The following KIAA1217 variants were observed in gnomAD, a reference collection of about 807,000 sequenced individuals.
KIAA1217 encodes sickle tail protein homolog.
KIAA1217 carries 88 observed loss-of-function variants against 163.9 expected under a neutral mutation model. The ratio of observed to expected loss-of-function variants is 0.54; its 90% CI spans 0.45 to 0.64. The LOEUF (loss-of-function observed/expected upper bound fraction) is 0.64, where lower values mean the gene tolerates loss of function less well. Among genes scored for constraint, KIAA1217 ranks in the 30% least tolerant of loss-of-function variants. The pLI is 0.00. For missense variants in KIAA1217, 2,372 were observed against 2,475.0 expected (o/e 0.96, Z 0.88); for synonymous variants, 903 against 923.1 (o/e 0.98, Z 0.39).
At chr10:23,869,179 T>G (rs1840344231) in intron 1 of KIAA1217, among the ~76,000 whole-genome samples, 1 of 139,820 alleles carries the variant, frequency 7.2e-6, no homozygotes, top group East Asian at 2.1e-4. Flanking sequence ...TATTTTGAAG[T>G]AACAGCGTTG....
At chr10:23,752,558 T>C (rs1193315690) in intron 1 of KIAA1217, among the ~76,000 whole-genome samples, 1 of 152,226 alleles carries the variant, frequency 6.6e-6, no homozygotes, top group East Asian at 1.9e-4. Flanking sequence ...TAACGTTCAT[T>C]TTTATTTTCA....
At chr10:23,913,681 T>A (rs368074736) in intron 1 of KIAA1217, among the ~76,000 whole-genome samples, 3 of 152,266 alleles carry the variant, frequency 2.0e-5, no homozygotes, top group African/African-American at 7.2e-5. Flanking sequence ...AATAGCACTG[T>A]CCCTCTCGAT....
In KIAA1217 at chr10:24,354,681, C is replaced by T. The variant is rs555356818; in HGVS notation, c.355-26188C>T. On this transcript the variant is annotated intron_variant, in intron 2 of 20. Transcript: ENST00000376454. ...TCAGCCATCCTGAAGCCAATCTCCT[C>T]TCTCACCATTCCTAGCCAAACTCCT... 5.5e-5 allele frequency among the ~76,000 whole-genome samples: 8 copies of T among 146,186 alleles called. No homozygotes were observed. In the South Asian group the frequency reaches 1.3e-3, roughly 23 times the overall value.
chr10:23,852,558 A>T (rs1246891523), intron 1 of KIAA1217, among the ~76,000 whole-genome samples: 1 of 152,178 alleles, frequency 6.6e-6, no homozygotes, highest in South Asian at 2.1e-4. Flanking sequence ...GAAGAAAGCC[A>T]TTGGTAGCTT....
intron 2 of KIAA1217, among the ~76,000 whole-genome samples, chr10:24,016,074 T>G (rs1847467611): frequency 6.6e-6 from 1 of 152,176 alleles, no homozygotes; most frequent in Admixed American, 6.5e-5. Flanking sequence ...TATCTCAGCA[T>G]GCATAGTTGA....
At chr10:23,954,006 C>A (rs2131360227) in intron 1 of KIAA1217, among the ~76,000 whole-genome samples, 1 of 152,250 alleles carries the variant, frequency 6.6e-6, no homozygotes, top group Non-Finnish European at 1.5e-5. Context: ...ATGAAACCAA[C>A]AATCGTTTAA....
chr10:23,898,297 A>G (rs1166241196), intron 1 of KIAA1217, among the ~76,000 whole-genome samples: 2 of 134,652 alleles, frequency 1.5e-5, no homozygotes, highest in Non-Finnish European at 3.3e-5. Context: ...TTATAAGACT[A>G]TATATATACA....
chr10:24,251,698 T>C (rs1468095996), intron 2 of KIAA1217, among the ~76,000 whole-genome samples: 1 of 151,992 alleles, frequency 6.6e-6, no homozygotes, highest in African/African-American at 2.4e-5. Context: ...GACCCTAATC[T>C]GATGTTTTTG....
At chr10:23,756,669 A>C (rs1403504976) in intron 1 of KIAA1217, among the ~76,000 whole-genome samples, 3 of 152,244 alleles carry the variant, frequency 2.0e-5, no homozygotes, top group Non-Finnish European at 4.4e-5. Context: ...TAATTTTAAA[A>C]TATATAACAG....
At chr10:24,113,846 C>T (rs943866279) in intron 2 of KIAA1217, among the ~76,000 whole-genome samples, 3 of 152,186 alleles carry the variant, frequency 2.0e-5, no homozygotes, top group Non-Finnish European at 2.9e-5. Flanking sequence ...TTAGCAGAAC[C>T]AGCTACATAT....
chr10:23,774,282 C>G lies in KIAA1217; in HGVS notation c.-321+79048C>G, dbSNP rs142294334. On this transcript the variant is annotated intron_variant, in intron 1 of 18. Transcript: ENST00000376462. ...ATCCAGACAAGAAGAGGTGAAAGGA[C>G]TGGCGAAAGAGGTGAAAGGACCATC... Among the ~76,000 whole-genome samples the G allele has an allele frequency of 3.9e-3, 596 of 152,292 alleles. 9 individuals are homozygous for G. Among genetic ancestry groups the G allele is most frequent in the African/African-American group, 0.013 (549 of 41,560 alleles).
chr10:24,453,583 T>A (rs1405806700), intron 5 of KIAA1217, among the ~76,000 whole-genome samples: 1 of 152,238 alleles, frequency 6.6e-6, no homozygotes, highest in Non-Finnish European at 1.5e-5. Context: ...TCAGCAAGAT[T>A]GTACAGTGTT....
intron 2 of KIAA1217, among the ~76,000 whole-genome samples, chr10:24,272,851 A>T (rs552424552): frequency 1.3e-5 from 2 of 152,198 alleles, no homozygotes; most frequent in African/African-American, 2.4e-5. Context: ...TTTTAAATGC[A>T]TGTTGGAATA....
At chr10:23,827,181 C>T (rs1837934864) in intron 1 of KIAA1217, among the ~76,000 whole-genome samples, 1 of 152,172 alleles carries the variant, frequency 6.6e-6, no homozygotes, top group African/African-American at 2.4e-5. Flanking sequence ...TCCTGCCACA[C>T]ATGCTTCATC....
intron 2 of KIAA1217, among the ~76,000 whole-genome samples, chr10:24,161,306 G>A (rs1439525918): frequency 2.6e-5 from 4 of 152,228 alleles, no homozygotes; most frequent in Admixed American, 6.5e-5. Context: ...TAATTCTAAT[G>A]TACAGGCATT....
intron 2 of KIAA1217, among the ~76,000 whole-genome samples, chr10:24,312,449 C>G (rs1189714624): frequency 3.3e-5 from 5 of 152,072 alleles, no homozygotes; most frequent in Non-Finnish European, 7.4e-5. Context: ...AACCTCGTCT[C>G]TACGAAAAGA....
At chr10:24,172,037 CT>C (rs1368014045) in intron 2 of KIAA1217, among the ~76,000 whole-genome samples, 1 of 152,082 alleles carries the variant, frequency 6.6e-6, no homozygotes, top group Non-Finnish European at 1.5e-5. Flanking sequence ...TGGCAAATGG[CT>C]TGACAGAGAT....
intron 2 of KIAA1217, among the ~76,000 whole-genome samples, chr10:24,117,486 C>T (rs1473591618): frequency 1.3e-5 from 2 of 151,974 alleles, no homozygotes; most frequent in Non-Finnish European, 2.9e-5. Context: ...CAAAAATTAG[C>T]TGGGTGTGGT....
intron 1 of KIAA1217, among the ~76,000 whole-genome samples, chr10:23,998,565 C>T (rs544447781): frequency 1.4e-4 from 22 of 152,364 alleles, no homozygotes; most frequent in South Asian, 6.2e-4. Flanking sequence ...CTGTGTACTT[C>T]GATAAATCTT....
Sources: allele counts gnomAD v4.1 joint callset (sites outside exome capture counted in the v4.1 genomes callset), GRCh38; gene constraint gnomAD v4.1.1; transcripts MANE v1.5; gene names NCBI Gene and HGNC (gene_info 2026-07-23, HGNC 2026-07-21).